Variants in ZNF329 observed in about 807,000 individuals in gnomAD.
ZNF329 encodes the protein zinc finger protein 329.
In ZNF329, 15 loss-of-function variants were observed where a neutral mutation model predicts 26.6. The observed-to-expected ratio is 0.56, with a 90% CI of 0.38 to 0.87. ZNF329 has a LOEUF of 0.87. ZNF329 is among the 40% of genes least tolerant of loss of function. The probability of loss-of-function intolerance (pLI) is 0.00; values close to 1 mark genes in which losing one functional copy is unlikely to be tolerated. For missense variants in ZNF329, 651 were observed against 651.9 expected, an observed-to-expected ratio of 1.00 and a Z score of 0.02; for synonymous variants, 239 against 233.5, an observed-to-expected ratio of 1.02 and a Z score of -0.21.
intron 3 of ZNF329, among the ~76,000 whole-genome samples, chr19:58,130,850 T>C (rs2074924407): frequency 2.0e-5 from 3 of 152,146 alleles, no homozygotes; most frequent in Admixed American, 2.0e-4. Context: ...CATTCGTTCA[T>C]TCATTTGGTG....
At chr19:58,140,430 T>G (rs2075158806) in intron 3 of ZNF329, among the ~76,000 whole-genome samples, 1 of 151,206 alleles carries the variant, frequency 6.6e-6, no homozygotes, top group African/African-American at 2.4e-5. Flanking sequence ...TTTTTTTTTT[T>G]GAGACAGAGT....
At chr19:58,150,374 G>C (rs2075422534) in intron 1 of ZNF329, among the ~76,000 whole-genome samples, 1 of 152,226 alleles carries the variant, frequency 6.6e-6, no homozygotes, top group East Asian at 1.9e-4. Context: ...GCAGACTCGG[G>C]GGTTACCCCC....
At chr19:58,151,475 C>T (rs958502841), upstream of ZNF329, among the ~76,000 whole-genome samples, 1 of 152,054 alleles carries the variant, frequency 6.6e-6, no homozygotes, top group African/African-American at 2.4e-5. Flanking sequence ...GTGGCAGGCG[C>T]CTGTAATCCC....
chr19:58,146,722 C>T (rs1294355006), intron 1 of ZNF329, among the ~76,000 whole-genome samples: 4 of 151,974 alleles, frequency 2.6e-5, no homozygotes, highest in East Asian at 1.9e-4. Flanking sequence ...GACTGGTTTT[C>T]GTATTTTTTT....
intron 3 of ZNF329, chr19:58,136,992 C>T (rs159667): frequency 0.35 from 68,807 of 196,090 alleles, 13,302 homozygotes; most frequent in South Asian, 0.46. Context: ...GTGATATGTA[C>T]CTTATTCCAC....
rs535102587 is a variant in ZNF329, at chr19:58,146,812, C to T, written c.-207-3614G>A. Among the ~76,000 whole-genome samples the T allele has an allele frequency of 6.9e-3, 1,044 of 152,014 alleles. 11 individuals are homozygous for T. The highest frequency in any genetic ancestry group is 0.024 in the African/African-American group (995 of 41,494). Reference sequence around the variant, plus strand: ...GAGTGATCCGCCAGCCTCGGCCTCCCGAGGTGCCGGGATTGCAGACGGAGT... The same window carrying T: ...GAGTGATCCGCCAGCCTCGGCCTCCTGAGGTGCCGGGATTGCAGACGGAGT... On this transcript the variant is annotated intron_variant, in intron 1 of 3. Coordinates refer to ENST00000598312, the MANE Select transcript of ZNF329 (RefSeq NM_024620.4).
chr19:58,128,932 T>C lies in ZNF329; in HGVS notation c.572A>G (p.Asn191Ser). 6.2e-7 allele frequency: 1 copy of C among 1,614,136 alleles called. No homozygotes were observed. The highest frequency in any genetic ancestry group is 8.5e-7 in the Non-Finnish European group (1 of 1,180,020). Residue 191 changes from asparagine to serine, a missense_variant, in exon 4 of 4, where the codon AAT becomes AGT. Asn to Ser is a conservative substitution (Grantham distance 46). Coordinates refer to ENST00000598312, the MANE Select transcript of ZNF329 (RefSeq NM_024620.4). ...ENIFTLSSSL[N>S]ENQRNLPGEK... is the part of the protein sequence containing the mutation. Reference sequence around the variant, plus strand: ...TCCAGGGAGATTTCTCTGGTTTTCATTAAGCGATGAGCTCAGAGTAAAGAT... The same window carrying C: ...TCCAGGGAGATTTCTCTGGTTTTCACTAAGCGATGAGCTCAGAGTAAAGAT...
intron 3 of ZNF329, among the ~76,000 whole-genome samples, chr19:58,141,893 C>CAA (rs75871989): frequency 0.017 from 2,138 of 123,204 alleles, 42 homozygotes; most frequent in African/African-American, 0.058. Context: ...ACCTCCATCT[C>CAA]AAAAAAAAAA....
At chr19:58,147,567 G>A (rs1352252601) in intron 1 of ZNF329, among the ~76,000 whole-genome samples, 3 of 136,040 alleles carry the variant, frequency 2.2e-5, no homozygotes, top group East Asian at 2.3e-4. Flanking sequence ...CCCCCCGCCC[G>A]GCCAGCCGCC....
In ZNF329 at chr19:58,129,494, T is replaced by A. The variant is rs755842516; in HGVS notation, c.10A>T (p.Lys4Ter). The change falls in exon 4 of 4, where the codon AAA becomes TAA. Residue 4 changes from lysine to a stop codon, truncating the protein, a stop_gained. Transcript: ENST00000598312. LOFTEE classifies it low-confidence loss of function (END_TRUNC). The part of the protein sequence containing the change: MRL[K>*]MTTRNFPERE... ...TCAGGAAAATTCCGAGTCGTCATTT[T>A]CAATCTCATATCCCAAACTGCAAAA... 2 of 1,594,268 alleles carry A rather than the reference T, an allele frequency of 1.3e-6. No individual in the cohort carries two copies. The highest frequency in any genetic ancestry group is 1.7e-6 in the Non-Finnish European group (2 of 1,169,640).
rs1458241303 is a variant in ZNF329, at chr19:58,128,475, A to G, written c.1029T>C (p.Tyr343=). ...HLRIHTGEKP[Y]ECSKCGKAFR... ...AAGCCTTTCCACATTTGCTACACTCATAGGGCTTCTCACCGGTGTGGATTC... is the reference window on the plus strand; with the variant it reads ...AAGCCTTTCCACATTTGCTACACTCGTAGGGCTTCTCACCGGTGTGGATTC... The change falls in exon 4 of 4, where the codon TAT becomes TAC. Residue 343 remains tyrosine (Y), a synonymous_variant. Transcript: ENST00000598312. The G allele has an allele frequency of 6.2e-7, 1 of 1,613,848 alleles. No homozygotes were observed.
chr19:58,136,028 C>A (rs950465931), intron 3 of ZNF329, among the ~76,000 whole-genome samples: 1 of 151,920 alleles, frequency 6.6e-6, no homozygotes, highest in African/African-American at 2.4e-5. Context: ...GTCAGGAGTT[C>A]AAGACCAGCC....
chr19:58,128,146 T>G lies in ZNF329; in HGVS notation c.1358A>C (p.Lys453Thr). The G allele has an allele frequency of 6.3e-7, 1 of 1,588,460 alleles. No homozygotes were observed. Among genetic ancestry groups the G allele is most frequent in the Non-Finnish European group, 8.6e-7 (1 of 1,168,262 alleles). ...IRHQRTHTGE[K>T]PYECNQCGKA... ...GCCACACTGATTACACTCATAGGGCTTCTCACCAGTATGAGTCCTCTGGTG... is the reference window on the plus strand; with the variant it reads ...GCCACACTGATTACACTCATAGGGCGTCTCACCAGTATGAGTCCTCTGGTG... The change falls in exon 4 of 4, where the codon AAG becomes ACG. Residue 453 changes from lysine to threonine, a missense_variant. Coordinates refer to ENST00000598312, the MANE Select transcript of ZNF329 (RefSeq NM_024620.4).
At chr19:58,147,084 G>A (rs1250376743) in intron 1 of ZNF329, among the ~76,000 whole-genome samples, 73 of 151,646 alleles carry the variant, frequency 4.8e-4, no homozygotes, top group Admixed American at 7.9e-4. Flanking sequence ...CTGCCCGGCC[G>A]CCATCCCATC....
At chr19:58,145,597 T>C (rs1292199779) in intron 1 of ZNF329, among the ~76,000 whole-genome samples, 1 of 151,916 alleles carries the variant, frequency 6.6e-6, no homozygotes, top group Non-Finnish European at 1.5e-5. Flanking sequence ...GCTGGGATTA[T>C]AGGCGCGAGC....
At chr19:58,135,876 A>G (rs1422172392) in intron 3 of ZNF329, among the ~76,000 whole-genome samples, 1 of 152,216 alleles carries the variant, frequency 6.6e-6, no homozygotes, top group African/African-American at 2.4e-5. Flanking sequence ...TTATTTGGAA[A>G]AATAAAAACT....
chr19:58,149,622 G>C (rs1444676389), intron 1 of ZNF329, among the ~76,000 whole-genome samples: 1 of 152,122 alleles, frequency 6.6e-6, no homozygotes, highest in Non-Finnish European at 1.5e-5. Context: ...GTAGAATGGA[G>C]GAAAGTCACT....
intron 1 of ZNF329, among the ~76,000 whole-genome samples, chr19:58,147,005 G>C (rs1308017212): frequency 7.2e-5 from 11 of 152,088 alleles, no homozygotes; most frequent in Admixed American, 6.5e-4. Context: ...TCTCTGCCTG[G>C]CCGCCCATCA....
chr19:58,143,419 G>A (rs1306821802), intron 1 of ZNF329, among the ~76,000 whole-genome samples: 1 of 152,124 alleles, frequency 6.6e-6, no homozygotes, highest in Non-Finnish European at 1.5e-5. Context: ...TTTTACTGAT[G>A]CGTGACAAAA....
Sources: allele counts gnomAD v4.1 joint callset (sites outside exome capture counted in the v4.1 genomes callset), GRCh38; gene constraint gnomAD v4.1.1; transcripts MANE v1.5; gene names NCBI Gene and HGNC (gene_info 2026-07-23, HGNC 2026-07-21).